Variants in CAB39L observed in about 807,000 individuals in gnomAD.
The protein encoded by CAB39L is calcium-binding protein 39-like.
CAB39L carries 23 observed loss-of-function variants against 39.1 expected under a neutral mutation model. The observed-to-expected ratio is 0.59, with a 90% CI of 0.42 to 0.83. The LOEUF (loss-of-function observed/expected upper bound fraction) is 0.83. Among genes scored for constraint, CAB39L ranks in the 40% least tolerant of loss-of-function variants. The pLI is 0.00. For missense variants in CAB39L, 366 were observed against 391.9 expected (o/e 0.93, Z 0.56); for synonymous variants, 126 against 137.2 (o/e 0.92, Z 0.57).
intron 6 of CAB39L, among the ~76,000 whole-genome samples, chr13:49,357,260 C>A (rs934170159): frequency 3.4e-4 from 51 of 152,110 alleles, no homozygotes; most frequent in African/African-American, 1.2e-3. Context: ...GCCATATAAC[C>A]TTGAGCAATA....
chr13:49,395,058 G>A (rs1015212523), intron 3 of CAB39L, among the ~76,000 whole-genome samples: 13 of 152,064 alleles, frequency 8.5e-5, no homozygotes, highest in African/African-American at 2.9e-4. Context: ...TTTGCTTGTG[G>A]ATGCTTAATT....
chr13:49,392,983 C>T (rs972648957), intron 3 of CAB39L: 1 of 151,580 alleles, frequency 6.6e-6, no homozygotes, highest in Non-Finnish European at 1.5e-5. Context: ...GCTCAATTTA[C>T]AAAAAAATGG....
chr13:49,360,873 G>A (rs1480196981), intron 5 of CAB39L, among the ~76,000 whole-genome samples: 1 of 152,108 alleles, frequency 6.6e-6, no homozygotes, highest in Non-Finnish European at 1.5e-5. Flanking sequence ...ATGATTGTAA[G>A]TTTCCTGAGG....
At chr13:49,421,258 G>A (rs889187091) in intron 3 of CAB39L, among the ~76,000 whole-genome samples, 1 of 152,104 alleles carries the variant, frequency 6.6e-6, no homozygotes, top group Non-Finnish European at 1.5e-5. Flanking sequence ...GGGGCAGCAA[G>A]ACAGAAAACT....
intron 9 of CAB39L, 31 bp downstream of exon 9, chr13:49,339,646 G>T: frequency 6.5e-7 from 1 of 1,529,996 alleles, no homozygotes; most frequent in Non-Finnish European, 8.8e-7. Context: ...TAAACTTACG[G>T]GGACACTGAC....
intron 9 of CAB39L, among the ~76,000 whole-genome samples, chr13:49,339,396 G>T (rs1188480816): frequency 2.0e-5 from 3 of 152,170 alleles, no homozygotes; most frequent in Non-Finnish European, 4.4e-5. Context: ...CTCCCAAAGT[G>T]CTGGGATTAC....
chr13:49,315,137 T>C (rs1954119210), intron 10 of CAB39L, among the ~76,000 whole-genome samples: 1 of 152,232 alleles, frequency 6.6e-6, no homozygotes, highest in Non-Finnish European at 1.5e-5. Context: ...GATATATAAA[T>C]TCTTCATGTT....
intron 10 of CAB39L, among the ~76,000 whole-genome samples, chr13:49,311,360 T>C (rs1359549989): frequency 6.6e-6 from 1 of 152,210 alleles, no homozygotes. Flanking sequence ...GCCCGTACAA[T>C]TATGCACAGT....
intron 3 of CAB39L, among the ~76,000 whole-genome samples, chr13:49,386,960 A>G (rs1020181676): frequency 6.6e-6 from 1 of 152,118 alleles, no homozygotes; most frequent in Non-Finnish European, 1.5e-5. Flanking sequence ...ATCTACTCCA[A>G]TCACATCATT....
rs1024957572 is a variant in CAB39L, at chr13:49,441,221, G to GTGTATATATATATATATATATATA, written c.-246+2764_-246+2765insTATATATATATATATATATATACA. ...GATGATTTTCTTATAATGATTTAGT[G>GTGTATATATATATATATATATATA]TATATATATATATATATATATATTC... On this transcript the variant is annotated intron_variant, in intron 1 of 10. Coordinates refer to ENST00000409308, the MANE Select transcript of CAB39L (RefSeq NM_001079670.3). Among the ~76,000 whole-genome samples, 152 of 121,366 alleles carry GTGTATATATATATATATATATATA rather than the reference G, an allele frequency of 1.3e-3. 3 individuals carry two copies. The highest frequency in any genetic ancestry group is 5.3e-3 in the African/African-American group (145 of 27,196). The allele number at this position is 121,366 out of a possible 152,430, so 79.6% of individuals were successfully genotyped here. A position where few individuals can be genotyped will look rare whatever the true frequency, so the allele number is the denominator to read the frequency against.
rs78216476 is a variant in CAB39L at position 49,404,690 on chromosome 13, T to C, written c.-31-21749A>G. Among the ~76,000 whole-genome samples, 1,797 of 152,138 alleles carry C rather than the reference T, an allele frequency of 0.012. 66 individuals carry two copies. The East Asian group carries it at 0.13, about 11-fold the overall frequency. On this transcript the variant is annotated intron_variant, in intron 3 of 10. Transcript: ENST00000409308. ...GCTCAAAGAAATCCAGGATAATACA[T>C]AGAAGGAATTCAGAATCTTATCAGA...
chr13:49,378,497 GC>G (rs1956155605), intron 4 of CAB39L, among the ~76,000 whole-genome samples: 1 of 64,186 alleles, frequency 1.6e-5, no homozygotes, highest in Admixed American at 1.2e-4. Context: ...GAAGTGAGGA[GC>G]CCCTCAGCCC....
intron 3 of CAB39L, among the ~76,000 whole-genome samples, chr13:49,420,719 C>T (rs1183071897): frequency 6.6e-6 from 1 of 152,098 alleles, no homozygotes; most frequent in Non-Finnish European, 1.5e-5. Flanking sequence ...ATTAATGTAT[C>T]CTAGAATTCT....
chr13:49,413,650 C>G (rs1957034979), intron 3 of CAB39L: 1 of 152,170 alleles, frequency 6.6e-6, no homozygotes, highest in African/African-American at 2.4e-5. Flanking sequence ...AGGAAGAAGC[C>G]TGGAGAGAGG....
chr13:49,331,398 A>AGAG, intron 10 of CAB39L, among the ~76,000 whole-genome samples: 1 of 152,176 alleles, frequency 6.6e-6, no homozygotes, highest in East Asian at 1.9e-4. Context: ...CCTGGGAGGC[A>AGAG]GAGGTTGCAG....
intron 9 of CAB39L, 95 bp from the exon 10 acceptor site, chr13:49,332,185 G>A (rs977269875): frequency 2.1e-6 from 3 of 1,406,322 alleles, no homozygotes; most frequent in African/African-American, 2.9e-5. Flanking sequence ...ATATAAATGT[G>A]AGTAAGAATG....
At chr13:49,389,395 C>T (rs1031906863) in intron 3 of CAB39L, among the ~76,000 whole-genome samples, 11 of 152,208 alleles carry the variant, frequency 7.2e-5, no homozygotes, top group Admixed American at 5.9e-4. Context: ...AATCCCAACA[C>T]TTTGGGAGGC....
intron 3 of CAB39L, among the ~76,000 whole-genome samples, chr13:49,419,947 T>C (rs1957147081): frequency 6.6e-6 from 1 of 152,156 alleles, no homozygotes; most frequent in African/African-American, 2.4e-5. Flanking sequence ...AAAGAATCAA[T>C]AAACAGTAAA....
intron 7 of CAB39L, among the ~76,000 whole-genome samples, chr13:49,347,184 G>A (rs957248037): frequency 6.6e-6 from 1 of 152,028 alleles, no homozygotes; most frequent in Non-Finnish European, 1.5e-5. Flanking sequence ...TTCCAAAACT[G>A]ACAGCATACT....
Sources: gnomAD v4.1 joint callset for allele counts (sites outside exome capture counted in the v4.1 genomes callset) on GRCh38, gnomAD v4.1.1 for gene constraint, MANE v1.5 for transcripts, NCBI Gene and HGNC (gene_info 2026-07-23, HGNC 2026-07-21) for gene names.